The following HGF variants were observed in gnomAD, a reference collection of about 807,000 sequenced individuals.
HGF encodes the protein fibroblast-derived tumor cytotoxic factor.
In HGF, 39 loss-of-function variants were observed where a neutral mutation model predicts 111.6. The ratio of observed to expected loss-of-function variants is 0.35; its 90% confidence interval spans 0.27 to 0.46. HGF has a LOEUF of 0.46. Ranked by LOEUF, HGF falls within the 20% of genes least tolerant of loss-of-function variation. The pLI, the probability that HGF is intolerant of heterozygous loss-of-function variation, is 1.00. For synonymous variants in HGF, 285 were observed against 294.8 expected, an observed-to-expected ratio of 0.97 and a Z score of 0.34; for missense variants, 735 against 910.5, an observed-to-expected ratio of 0.81 and a Z score of 2.48.
In HGF at chr7:81,699,303, A is replaced by C. The variant is rs1324258371; in HGVS notation, c.*3278T>G. The C allele has an allele frequency of 6.6e-6, 1 of 151,522 alleles. No homozygotes were observed. The highest frequency in any genetic ancestry group is 1.5e-5 in the Non-Finnish European group (1 of 67,628). The allele number at this position is 151,522 out of a possible 1,614,324, so 9.4% of individuals were successfully genotyped here. ...ACTGTCAAGATATATATGGTCCAAA[A>C]AATTTTAACTTTTTTTGTATTAGTA... On this transcript the variant is annotated 3_prime_UTR_variant, in exon 18 of 18. Coordinates refer to ENST00000222390, the MANE Select transcript of HGF (RefSeq NM_000601.6).
rs5745706 is a variant in HGF, at chr7:81,725,491, C to T, written c.1168+399G>A. On this transcript the variant is annotated intron_variant, in intron 9 of 17. Coordinates refer to ENST00000222390, the MANE Select transcript of HGF (RefSeq NM_000601.6). Reference sequence around the variant, plus strand: ...TATAGCAAGTAAGATCTTCCCTGAACATTAAAATATAAAAGAGCAGCACCC... The same window carrying T: ...TATAGCAAGTAAGATCTTCCCTGAATATTAAAATATAAAAGAGCAGCACCC... 5.9e-3 allele frequency among the ~76,000 whole-genome samples: 894 copies of T among 152,240 alleles called. 7 individuals carry two copies. Among genetic ancestry groups the T allele is most frequent in the Non-Finnish European group, 0.01 (694 of 68,008 alleles).
At chr7:81,735,208 G>C (rs1482661225) in intron 7 of HGF, among the ~76,000 whole-genome samples, 1 of 152,026 alleles carries the variant, frequency 6.6e-6, no homozygotes, top group Non-Finnish European at 1.5e-5. Context: ...CAAATTGCTT[G>C]CATGTTTGCT....
At position 81,720,555 on chromosome 7, in the gene HGF, T is replaced by A. The variant is rs188552780; in HGVS notation, c.1271+190A>T. Among the ~76,000 whole-genome samples, 243 of 152,350 alleles carry A rather than the reference T, an allele frequency of 1.6e-3. 4 individuals are homozygous for A. Among genetic ancestry groups the A allele is most frequent in the Non-Finnish European group, 8.1e-4 (55 of 68,038 alleles). On this transcript the variant is annotated intron_variant, in intron 10 of 17. Coordinates refer to ENST00000222390, the MANE Select transcript of HGF (RefSeq NM_000601.6). ...CTCAATAAATATCCACTAACTTGAA[T>A]TGCATATTTAAAAGTTTGCTACATA... is the stretch of plus-strand genomic sequence containing the variant.
chr7:81,761,813 G>A (rs1338832089), intron 2 of HGF, among the ~76,000 whole-genome samples: 5 of 144,948 alleles, frequency 3.4e-5, no homozygotes, highest in African/African-American at 5.1e-5. Flanking sequence ...GGGGTGGGCC[G>A]GGGAGCGGGG....
At chr7:81,744,013 A>C (rs575851588) in intron 6 of HGF, among the ~76,000 whole-genome samples, 1 of 152,110 alleles carries the variant, frequency 6.6e-6, no homozygotes, top group African/African-American at 2.4e-5. Context: ...TGGTGACTTG[A>C]TTTTAATTGC....
intron 13 of HGF, among the ~76,000 whole-genome samples, chr7:81,707,704 G>A (rs1009498318): frequency 3.3e-5 from 5 of 152,076 alleles, no homozygotes; most frequent in African/African-American, 4.8e-5. Flanking sequence ...ACAAATATAG[G>A]ATAATTATAA....
Position 81,729,776 on chromosome 7 carries a change from T to A in HGF, c.869A>T (p.Asp290Val). The A allele has an allele frequency of 6.3e-7, 1 of 1,599,326 alleles. No homozygotes were observed. Among genetic ancestry groups the A allele is most frequent in the South Asian group, 1.1e-5 (1 of 90,104 alleles). ...AACATCAGTGTCATTCATAGTATTG[T>A]CAGCTATTGGCAAAAAACAACAACA... ...WEYCAIKTCA[D>V]NTMNDTDVPL... is the part of the protein sequence containing the mutation. Residue 290 changes from aspartate (D) to valine (V), a missense_variant, in exon 8 of 18, where the codon GAC (aspartate) becomes GTC (valine). Physicochemically the swap from Asp to Val is radical, Grantham distance 152 (BLOSUM62 -3). Around this residue, in one of 3 missense-constraint regions of HGF, gnomAD observed 553 missense variants for 685.6 expected, o/e 0.81. Coordinates refer to ENST00000222390, the MANE Select transcript of HGF (RefSeq NM_000601.6).
At chr7:81,759,896 T>A (rs779724732) in intron 2 of HGF, among the ~76,000 whole-genome samples, 24 of 152,172 alleles carry the variant, frequency 1.6e-4, no homozygotes, top group Non-Finnish European at 3.1e-4. Context: ...TATTGGTTTT[T>A]TGTTATTGTT....
chr7:81,714,728 A>G (rs926725704), intron 11 of HGF, among the ~76,000 whole-genome samples: 2 of 152,102 alleles, frequency 1.3e-5, no homozygotes, highest in Non-Finnish European at 2.9e-5. Flanking sequence ...AAACCTTTAC[A>G]TGTTTTGTAA....
At chr7:81,742,709 T>C in intron 7 of HGF, 1 of 1,400,434 alleles carries the variant, frequency 7.1e-7, no homozygotes, top group Non-Finnish European at 9.3e-7. Context: ...AAAATAGTTT[T>C]TATTGTAAAT....
At chr7:81,764,429 C>A (rs923525785) in intron 1 of HGF, among the ~76,000 whole-genome samples, 2 of 152,048 alleles carry the variant, frequency 1.3e-5, no homozygotes, top group African/African-American at 4.8e-5. Context: ...TATGGTACAA[C>A]AGATACAGTT....
At chr7:81,738,274 C>A (rs567912400) in intron 7 of HGF, among the ~76,000 whole-genome samples, 1 of 152,132 alleles carries the variant, frequency 6.6e-6, no homozygotes, top group South Asian at 2.1e-4. Flanking sequence ...TTATTTGTCT[C>A]TGAAAAGCAG....
intron 5 of HGF, 122 bp downstream of exon 5, chr7:81,751,998 G>A: frequency 6.7e-7 from 1 of 1,500,950 alleles, no homozygotes; most frequent in Admixed American, 2.3e-5. Flanking sequence ...ATTATTTGTA[G>A]TTGCATTTGC....
chr7:81,759,838 A>C (rs945380983), intron 2 of HGF, among the ~76,000 whole-genome samples: 1 of 152,210 alleles, frequency 6.6e-6, no homozygotes, highest in Non-Finnish European at 1.5e-5. Context: ...CATCTTAAAG[A>C]AAGTTATGAA....
At chr7:81,745,904 A>G (rs1788226016) in intron 5 of HGF, among the ~76,000 whole-genome samples, 2 of 152,224 alleles carry the variant, frequency 1.3e-5, no homozygotes. Flanking sequence ...AATCACATCA[A>G]TTGCTGAAAG....
intron 5 of HGF, 116 bp from the exon 6 acceptor site, chr7:81,745,236 C>T: frequency 9.4e-7 from 1 of 1,069,196 alleles, no homozygotes; most frequent in Non-Finnish European, 1.4e-6. Flanking sequence ...AAATCCTACA[C>T]ATCATTCTAA....
At chr7:81,732,589 C>T (rs935622493) in intron 7 of HGF, among the ~76,000 whole-genome samples, 1 of 152,036 alleles carries the variant, frequency 6.6e-6, no homozygotes, top group Non-Finnish European at 1.5e-5. Flanking sequence ...CAATCTGAAG[C>T]AATACTTAGA....
At chr7:81,738,992 G>A (rs1787921147) in intron 7 of HGF, among the ~76,000 whole-genome samples, 1 of 152,072 alleles carries the variant, frequency 6.6e-6, no homozygotes, top group South Asian at 2.1e-4. Context: ...GACTTTCCTT[G>A]ACTTTCCGGA....
chr7:81,707,924 A>T (rs1789470230), intron 13 of HGF, among the ~76,000 whole-genome samples: 1 of 152,150 alleles, frequency 6.6e-6, no homozygotes, highest in Admixed American at 6.6e-5. Flanking sequence ...TAAGATCAGG[A>T]ATATAATATT....
Sources: gnomAD v4.1 joint callset for allele counts (sites outside exome capture counted in the v4.1 genomes callset) on GRCh38, gnomAD v4.1.1 for gene constraint, gnomAD v4.1.1 regional missense constraint, MANE v1.5 for transcripts, NCBI Gene and HGNC (gene_info 2026-07-23, HGNC 2026-07-21) for gene names.